Variants in TM4SF1 observed in about 807,000 individuals in gnomAD.
The protein encoded by TM4SF1 is transmembrane 4 L six family member 1, also known as transmembrane 4 L6 family member 1.
Under a neutral mutation model 24.5 loss-of-function variants are expected in TM4SF1, and 20 were observed. That is an observed-to-expected ratio of 0.82 (90% CI 0.57 to 1.19). TM4SF1 has a LOEUF of 1.19. Ranked by LOEUF, TM4SF1 falls within the 50% of genes most tolerant of loss-of-function variation. TM4SF1 has a pLI of 0.00. For missense variants in TM4SF1, 258 were observed against 248.1 expected (o/e 1.04, Z -0.27); for synonymous variants, 107 against 95.4 (o/e 1.12, Z -0.71).
intron 3 of TM4SF1, among the ~76,000 whole-genome samples, chr3:149,373,580 T>G (rs1731881082): frequency 1.3e-5 from 2 of 152,298 alleles, no homozygotes; most frequent in Admixed American, 6.5e-5. Flanking sequence ...TCAAAAAAAG[T>G]TCTGTTTTTG....
rs781670282 is a variant in TM4SF1, at chr3:149,369,608, G to A, written c.*258C>T. 1.1e-5 allele frequency: 5 copies of A among 455,736 alleles called. No individual in the cohort carries two copies. Among genetic ancestry groups the A allele is most frequent in the Non-Finnish European group, 1.9e-5 (5 of 257,456 alleles). 28.2% of individuals were successfully genotyped at this position (455,736 alleles called of 1,614,324 possible). On this transcript the variant is annotated 3_prime_UTR_variant, in exon 5 of 5. Transcript: ENST00000305366. ...CAGATATACTGAGTACTGTCACTCA[G>A]TCTGTAAATTACCCCCAGAGGGTGG...
chr3:149,373,507 T>G (rs1029472022), intron 3 of TM4SF1, among the ~76,000 whole-genome samples: 1 of 152,194 alleles, frequency 6.6e-6, no homozygotes, highest in Admixed American at 6.5e-5. Context: ...CAAAGGGGCT[T>G]GGAATTTGAG....
chr3:149,371,536 A>T (rs1731820746), intron 4 of TM4SF1, 151 bp downstream of exon 4: 1 of 778,630 alleles, frequency 1.3e-6, no homozygotes, highest in Admixed American at 2.2e-5. Flanking sequence ...CTGACAGCTA[A>T]AGTGAATGCT....
Position 149,369,726 on chromosome 3 carries a change from C to A in TM4SF1, c.*140G>T. On this transcript the variant is annotated 3_prime_UTR_variant, in exon 5 of 5. Transcript: ENST00000305366. The stretch of plus-strand genomic sequence containing the variant: ...TAAACACTGACATCCTGTGAAGATG[C>A]CAGTCTTTACAGGCGTTTGTAAAAG... 2 of 937,060 alleles carry A rather than the reference C, an allele frequency of 2.1e-6. No individual in the cohort carries two copies. The highest frequency in any genetic ancestry group is 3.2e-6 in the Non-Finnish European group (2 of 620,164). The allele number at this position is 937,060 out of a possible 1,614,324, so 58.0% of individuals were successfully genotyped here. A position where few individuals can be genotyped will look rare whatever the true frequency, so the allele number is the denominator to read the frequency against.
At chr3:149,369,919 A>G (rs779793482) in intron 4 of TM4SF1, 39 bp from the exon 5 acceptor site, 4 of 1,586,374 alleles carry the variant, frequency 2.5e-6, no homozygotes, top group South Asian at 1.2e-5. Flanking sequence ...TATAATCAGG[A>G]TAAATAATGA....
Position 149,371,848 on chromosome 3 carries a change from T to C in TM4SF1, c.433A>G (p.Thr145Ala). 6.2e-7 allele frequency: 1 copy of C among 1,614,068 alleles called. No homozygotes were observed. Among genetic ancestry groups the C allele is most frequent in the Non-Finnish European group, 8.5e-7 (1 of 1,179,990 alleles). ...TTGGGTTCAGTGCACTCGGACCATG[T>C]GGAGGTATCCAGAAGGTACCTGTGG... The part of the protein sequence containing the change: ...TEGQYLLDTS[T>A]WSECTEPKHI... Residue 145 changes from threonine (T) to alanine (A), a missense_variant, in exon 4 of 5, where the codon ACA (threonine) becomes GCA (alanine). Physicochemically the swap from Thr to Ala is moderately conservative, Grantham distance 58. Transcript: ENST00000305366.
At chr3:149,375,035 G>A (rs1731914054) in intron 3 of TM4SF1, among the ~76,000 whole-genome samples, 1 of 152,036 alleles carries the variant, frequency 6.6e-6, no homozygotes, top group Admixed American at 6.6e-5. Flanking sequence ...AAAATAGGAA[G>A]TCACTTCATA....
In TM4SF1 at chr3:149,377,480, G is replaced by T. The variant is rs1233782667; in HGVS notation, c.68C>A (p.Ala23Glu). ...SLVGLALLCI[A>E]ANILLYFPNG... is the part of the protein sequence containing the mutation. ...GGGAAAGTAAAGCAAAATATTAGCC[G>T]CGATGCACAGGAGGGCGAGCCCCAC... is the stretch of plus-strand genomic sequence containing the variant. Residue 23 changes from alanine to glutamate, a missense_variant, in exon 1 of 5, where the codon GCG becomes GAG. By Grantham distance (107) the Ala-to-Glu change is moderately radical. Transcript: ENST00000305366. 3 of 1,614,132 alleles carry T rather than the reference G, an allele frequency of 1.9e-6. No individual in the cohort carries two copies. The highest frequency in any genetic ancestry group is 2.2e-5 in the South Asian group (2 of 91,080).
In TM4SF1 at chr3:149,375,721, A is replaced by G. The variant is rs533319465; in HGVS notation, c.226T>C (p.Cys76Arg). The G allele has an allele frequency of 1.2e-6, 2 of 1,614,254 alleles. No individual in the cohort carries two copies. Among genetic ancestry groups the G allele is most frequent in the African/African-American group, 2.7e-5 (2 of 75,068 alleles). ...VFIGLEQDDCCGCCGHENCGK... is the reference protein window; with the variant it reads ...VFIGLEQDDCRGCCGHENCGK... Reference sequence around the variant, plus strand: ...CAGTTTTCATGGCCACAGCAGCCACAGCAGTCATCCTGTTCCAGCCCAATG... The same window carrying G: ...CAGTTTTCATGGCCACAGCAGCCACGGCAGTCATCCTGTTCCAGCCCAATG... Residue 76 changes from cysteine to arginine, a missense_variant, in exon 2 of 5, where the codon TGT becomes CGT. Transcript: ENST00000305366.
At position 149,369,583 on chromosome 3, in the gene TM4SF1, C is replaced by A; in HGVS notation, c.*283G>T. 5.6e-6 allele frequency: 2 copies of A among 360,218 alleles called. No homozygotes were observed. Among genetic ancestry groups the A allele is most frequent in the South Asian group, 3.7e-5 (1 of 26,866 alleles). The allele number at this position is 360,218 out of a possible 1,614,324, so 22.3% of individuals were successfully genotyped here. On this transcript the variant is annotated 3_prime_UTR_variant, in exon 5 of 5. Coordinates refer to ENST00000305366, the MANE Select transcript of TM4SF1 (RefSeq NM_014220.3). ...ATCCAAAACATTATAGAGTTTATCT[C>A]AGATATACTGAGTACTGTCACTCAG...
intron 1 of TM4SF1, among the ~76,000 whole-genome samples, chr3:149,376,921 A>G (rs1731967053): frequency 6.6e-6 from 1 of 152,212 alleles, no homozygotes; most frequent in Admixed American, 6.5e-5. Flanking sequence ...TAAAATAGCA[A>G]TGCACTCACA....
At chr3:149,376,515 A>T (rs1266692814) in intron 1 of TM4SF1, among the ~76,000 whole-genome samples, 1 of 152,234 alleles carries the variant, frequency 6.6e-6, no homozygotes, top group Non-Finnish European at 1.5e-5. Flanking sequence ...TAAATAAAAT[A>T]AAATTAAATA....
In TM4SF1 at chr3:149,375,556, T is replaced by A. The variant is rs1240155475; in HGVS notation, c.300A>T (p.Gly100=). The A allele has an allele frequency of 1.7e-5, 28 of 1,614,006 alleles. No homozygotes were observed. The highest frequency in any genetic ancestry group is 2.4e-5 in the Non-Finnish European group (28 of 1,180,020). ...MLSSVLAALI[G]IAGSGYCVIV... ...TGACACAGTAGCCAGATCCTGCAAT[T>A]CCAATGAGAGCAGCCAATACAGAAG... The change falls in exon 3 of 5, where the codon GGA becomes GGT. Residue 100 remains glycine (G), a synonymous_variant. Transcript: ENST00000305366.
chr3:149,369,799 T>G lies in TM4SF1; in HGVS notation c.*67A>C. The G allele has an allele frequency of 6.2e-7, 1 of 1,601,500 alleles. No individual in the cohort carries two copies. The highest frequency in any genetic ancestry group is 8.5e-7 in the Non-Finnish European group (1 of 1,173,980). ...ACTAATACAAAGTTTTACAAATGAA[T>G]ACAAGTGAAATATATAAATTACAAT... On this transcript the variant is annotated 3_prime_UTR_variant, in exon 5 of 5. Transcript: ENST00000305366.
intron 1 of TM4SF1, among the ~76,000 whole-genome samples, chr3:149,376,155 T>C (rs1731946411): frequency 6.6e-6 from 1 of 152,236 alleles, no homozygotes; most frequent in Non-Finnish European, 1.5e-5. Flanking sequence ...AACAAATCTT[T>C]AATAGAATAA....
Position 149,371,816 on chromosome 3 carries a change from A to T in TM4SF1, c.465T>A (p.Ile155=). Residue 155 remains isoleucine, a synonymous_variant, in exon 4 of 5, where the codon ATT becomes ATA. Transcript: ENST00000305366. ...TWSECTEPKH[I]VEWNVSLFSI... is the part of the protein sequence containing the mutation. ...AAAACAGAGATACATTCCATTCCAC[A>T]ATGTGCTTGGGTTCAGTGCACTCGG... The T allele has an allele frequency of 6.2e-7, 1 of 1,614,112 alleles. No individual in the cohort carries two copies. Among genetic ancestry groups the T allele is most frequent in the Non-Finnish European group, 8.5e-7 (1 of 1,180,022 alleles).
Sources: gnomAD v4.1 joint callset for allele counts (sites outside exome capture counted in the v4.1 genomes callset) on GRCh38, gnomAD v4.1.1 for gene constraint, MANE v1.5 for transcripts, NCBI Gene and HGNC (gene_info 2026-07-23, HGNC 2026-07-21) for gene names.